Variants in AGTPBP1 observed in about 807,000 individuals in gnomAD.
The protein encoded by AGTPBP1 is ATP/GTP binding carboxypeptidase 1.
A neutral mutation model predicts 143.9 loss-of-function variants in AGTPBP1; 70 were observed. The ratio of observed to expected loss-of-function variants is 0.49; its 90% CI spans 0.40 to 0.59. The LOEUF (loss-of-function observed/expected upper bound fraction) is 0.59, where lower values mean the gene tolerates loss of function less well. AGTPBP1 is among the 20% of genes least tolerant of loss of function. AGTPBP1 has a pLI of 0.00. For synonymous variants in AGTPBP1, 463 were observed against 500.2 expected (o/e 0.93, Z 0.99); for missense variants, 1,229 against 1,464.5 (o/e 0.84, Z 2.62).
At chr9:85,692,908 T>C (rs1564151638) in intron 2 of AGTPBP1, 95 bp from the exon 3 acceptor site, 1 of 1,408,916 alleles carries the variant, frequency 7.1e-7, no homozygotes, top group Non-Finnish European at 9.7e-7. Flanking sequence ...TCTACTCTTT[T>C]AAAAACAGAA....
At chr9:85,635,333 A>T (rs1831969531) in intron 13 of AGTPBP1, among the ~76,000 whole-genome samples, 1 of 152,194 alleles carries the variant, frequency 6.6e-6, no homozygotes, top group Middle Eastern at 3.2e-3. Flanking sequence ...TTCAAAGATG[A>T]TTCACAGGAT....
At chr9:85,704,391 A>T (rs1185221208) in intron 2 of AGTPBP1, among the ~76,000 whole-genome samples, 1 of 152,178 alleles carries the variant, frequency 6.6e-6, no homozygotes, top group Non-Finnish European at 1.5e-5. Context: ...AAAAAAAATC[A>T]TCAGAAAGGA....
At chr9:85,727,194 G>C (rs1838554786) in intron 1 of AGTPBP1, among the ~76,000 whole-genome samples, 1 of 152,130 alleles carries the variant, frequency 6.6e-6, no homozygotes, top group African/African-American at 2.4e-5. Context: ...GGGCATGGTG[G>C]CACGCACCTG....
chr9:85,684,544 T>C (rs1443325117), intron 3 of AGTPBP1, among the ~76,000 whole-genome samples: 3 of 152,050 alleles, frequency 2.0e-5, no homozygotes, highest in Non-Finnish European at 2.9e-5. Flanking sequence ...ATTTCCCTCT[T>C]TTCTTTCTCG....
At chr9:85,800,321 CTGCTTTCGGAGAGAAAGCAGCTG>C in the AGTPBP1 span, among the ~76,000 whole-genome samples, 4 of 152,218 alleles carry the variant, frequency 2.6e-5, no homozygotes, top group African/African-American at 9.6e-5. Context: ...TGCTCTCCTT[CTGCTTTCGGAGAGAAAGCAGCTG>C]TAGTTTTAGA....
upstream of AGTPBP1, among the ~76,000 whole-genome samples, chr9:85,746,818 C>A (rs1824591332): frequency 6.6e-6 from 1 of 151,872 alleles, no homozygotes; most frequent in Non-Finnish European, 1.5e-5. Flanking sequence ...CTATAGTAAT[C>A]ATTTCACTAT....
At position 85,642,387 on chromosome 9, in the gene AGTPBP1, G is replaced by A. The variant is rs566381563; in HGVS notation, c.1302+440C>T. 7.4e-4 allele frequency among the ~76,000 whole-genome samples: 111 copies of A among 150,920 alleles called. 1 individual carries two copies. Among genetic ancestry groups the A allele is most frequent in the South Asian group, 6.7e-3 (32 of 4,772 alleles). ...CTCTGTCACCAGGCTGGAGTGTAATGGCGAGATCTCGGCTCACTGCAACCT... is the reference window on the plus strand; with the variant it reads ...CTCTGTCACCAGGCTGGAGTGTAATAGCGAGATCTCGGCTCACTGCAACCT... On this transcript the variant is annotated intron_variant, in intron 13 of 25. Transcript: ENST00000357081.
At chr9:85,699,360 G>T (rs1482627441) in intron 2 of AGTPBP1, among the ~76,000 whole-genome samples, 1 of 151,956 alleles carries the variant, frequency 6.6e-6, no homozygotes, top group African/African-American at 2.4e-5. Flanking sequence ...TTGATTCTTT[G>T]AGCTTATATT....
At chr9:85,550,786 C>T (rs1825993453) in intron 25 of AGTPBP1, among the ~76,000 whole-genome samples, 1 of 152,178 alleles carries the variant, frequency 6.6e-6, no homozygotes, top group South Asian at 2.1e-4. Context: ...CCAAAGTTCG[C>T]TACAAGCAAG....
chr9:85,793,013 T>G, the AGTPBP1 span, among the ~76,000 whole-genome samples: 2 of 152,196 alleles, frequency 1.3e-5, no homozygotes, highest in Non-Finnish European at 2.9e-5. Context: ...TTCAACAGTA[T>G]AAATAAGAGT....
chr9:85,699,872 A>T (rs2134351504), intron 2 of AGTPBP1, among the ~76,000 whole-genome samples: 1 of 152,360 alleles, frequency 6.6e-6, no homozygotes, highest in South Asian at 2.1e-4. Context: ...TAAAGTACTC[A>T]ATCATTAAAT....
At chr9:85,726,313 G>T (rs935241861) in intron 1 of AGTPBP1, among the ~76,000 whole-genome samples, 1 of 151,910 alleles carries the variant, frequency 6.6e-6, no homozygotes, top group African/African-American at 2.4e-5. Flanking sequence ...GCTATTTGGC[G>T]CAAGCTTTGC....
At chr9:85,692,644 G>A (rs765714495) in intron 3 of AGTPBP1, 45 bp downstream of exon 3, 1 of 1,585,838 alleles carries the variant, frequency 6.3e-7, no homozygotes, top group Non-Finnish European at 8.6e-7. Context: ...CACTTTTAAA[G>A]AATTAAAAAA....
In AGTPBP1 at chr9:85,621,529, TAA is replaced by T. The variant is rs11326881; in HGVS notation, c.2016-246_2016-245del. 9.5e-4 allele frequency among the ~76,000 whole-genome samples: 135 copies of T among 142,768 alleles called. No individual in the cohort carries two copies. The East Asian group carries it at 0.014, about 15-fold the overall frequency. The allele number at this position is 142,768 out of a possible 152,430, so 93.7% of individuals were successfully genotyped here. A position where few individuals can be genotyped will look rare whatever the true frequency, so the allele number is the denominator to read the frequency against. The stretch of plus-strand genomic sequence containing the variant: ...ACAGCCAGCCACAAGTCCAATCATT[TAA>T]AAAAAAAAAAAAAACTTGAATGTCT... On this transcript the variant is annotated intron_variant, in intron 14 of 25. Coordinates refer to ENST00000357081, the MANE Select transcript of AGTPBP1 (RefSeq NM_001330701.2).
chr9:85,594,324 C>T (rs1372216301), intron 18 of AGTPBP1, among the ~76,000 whole-genome samples: 1 of 152,158 alleles, frequency 6.6e-6, no homozygotes, highest in Non-Finnish European at 1.5e-5. Flanking sequence ...TAATCTTTAT[C>T]ATCTAAATTT....
chr9:85,753,765 GATA>G, the AGTPBP1 span, among the ~76,000 whole-genome samples: 1 of 64,446 alleles, frequency 1.6e-5, no homozygotes, highest in Non-Finnish European at 3.6e-5. Context: ...TAAATAGATA[GATA>G]GATAGATAGA....
intron 13 of AGTPBP1, among the ~76,000 whole-genome samples, chr9:85,635,473 C>T (rs1831977282): frequency 6.6e-6 from 1 of 152,092 alleles, no homozygotes; most frequent in African/African-American, 2.4e-5. Context: ...ACATGGTAGG[C>T]TAAGTATCCA....
At chr9:85,693,984 T>C (rs1236119594) in intron 2 of AGTPBP1, among the ~76,000 whole-genome samples, 1 of 152,098 alleles carries the variant, frequency 6.6e-6, no homozygotes, top group Admixed American at 6.5e-5. Context: ...CCTGCCATGT[T>C]CTATGAACAA....
chr9:85,672,487 T>G, intron 7 of AGTPBP1, 63 bp downstream of exon 7: 1 of 1,545,742 alleles, frequency 6.5e-7, no homozygotes, highest in Non-Finnish European at 8.8e-7. Context: ...ATCAGGATAC[T>G]TTAAAATTCT....
Sources: allele counts gnomAD v4.1 joint callset (sites outside exome capture counted in the v4.1 genomes callset), GRCh38; gene constraint gnomAD v4.1.1; transcripts MANE v1.5; gene names NCBI Gene and HGNC (gene_info 2026-07-23, HGNC 2026-07-21).